Variants in RBMS3 observed in about 807,000 individuals in gnomAD.
RBMS3 encodes RNA-binding motif, single-stranded-interacting protein 3.
Under a neutral mutation model 66.8 loss-of-function variants are expected in RBMS3, and 27 were observed. That is an observed-to-expected ratio of 0.40 (90% CI 0.30 to 0.56). The LOEUF (loss-of-function observed/expected upper bound fraction) is 0.56, where lower values mean the gene tolerates loss of function less well. RBMS3 is among the 20% of genes least tolerant of loss of function. RBMS3 has a pLI of 0.40. For missense variants in RBMS3, 513 were observed against 549.5 expected, an observed-to-expected ratio of 0.93 and a Z score of 0.66; for synonymous variants, 188 against 183.0, an observed-to-expected ratio of 1.03 and a Z score of -0.22.
At chr3:29,548,433 AAAAC>A (rs952985862) in intron 3 of RBMS3, among the ~76,000 whole-genome samples, 20 of 133,322 alleles carry the variant, frequency 1.5e-4, no homozygotes, top group African/African-American at 3.9e-4. Context: ...CTGTCTCTTA[AAAAC>A]AAACAAACAA....
intron 6 of RBMS3, among the ~76,000 whole-genome samples, chr3:29,847,928 T>A (rs1285369347): frequency 1.3e-5 from 2 of 152,190 alleles, no homozygotes; most frequent in African/African-American, 4.8e-5. Flanking sequence ...AGTGCTGGGA[T>A]TACAGGCGTC....
intron 6 of RBMS3, among the ~76,000 whole-genome samples, chr3:29,862,241 A>C (rs2059233509): frequency 6.6e-6 from 1 of 152,196 alleles, no homozygotes; most frequent in African/African-American, 2.4e-5. Flanking sequence ...GTTGGTCTGG[A>C]AACGGGCCCA....
intron 4 of RBMS3, among the ~76,000 whole-genome samples, chr3:29,724,388 T>C (rs926084991): frequency 6.6e-6 from 1 of 152,176 alleles, no homozygotes; most frequent in African/African-American, 2.4e-5. Context: ...TTCCTGAAAC[T>C]CTGCTAAATT....
At chr3:29,368,553 C>T (rs1417093095) in intron 1 of RBMS3, among the ~76,000 whole-genome samples, 1 of 145,890 alleles carries the variant, frequency 6.9e-6, no homozygotes, top group African/African-American at 2.5e-5. Context: ...TGAGAGTTCA[C>T]AAGGAGCTGT....
intron 6 of RBMS3, among the ~76,000 whole-genome samples, chr3:29,788,407 A>G (rs2056896568): frequency 6.6e-6 from 1 of 151,970 alleles, no homozygotes; most frequent in African/African-American, 2.4e-5. Context: ...TTGTATTTTT[A>G]GTAGAGACGG....
chr3:29,285,102 T>C (rs1439374079), intron 1 of RBMS3, among the ~76,000 whole-genome samples: 1 of 151,468 alleles, frequency 6.6e-6, no homozygotes, highest in East Asian at 2.0e-4. Context: ...AAATACAAAA[T>C]GTTTGATTAG....
intron 6 of RBMS3, among the ~76,000 whole-genome samples, chr3:29,848,130 G>C (rs1317671462): frequency 6.6e-6 from 1 of 152,138 alleles, no homozygotes. Flanking sequence ...CTCAGTTTCT[G>C]TTGGACATTT....
chr3:29,417,672 G>A (rs2040533399), intron 1 of RBMS3, among the ~76,000 whole-genome samples: 1 of 152,082 alleles, frequency 6.6e-6, no homozygotes, highest in South Asian at 2.1e-4. Context: ...GAGATATGTG[G>A]TTCAAAACAA....
At chr3:29,351,366 A>G (rs80255216) in intron 1 of RBMS3, among the ~76,000 whole-genome samples, 2,509 of 152,200 alleles carry the variant, frequency 0.016, 31 homozygotes, top group Middle Eastern at 0.027. Flanking sequence ...TTATCCATGC[A>G]TTTACACTTC....
chr3:29,981,238 A>G (rs571105564), intron 12 of RBMS3, among the ~76,000 whole-genome samples: 2 of 151,884 alleles, frequency 1.3e-5, no homozygotes, highest in Admixed American at 1.3e-4. Flanking sequence ...TCTGTCTATT[A>G]TTGGTGTATA....
At chr3:29,336,008 C>A (rs897814006) in intron 1 of RBMS3, among the ~76,000 whole-genome samples, 1 of 152,094 alleles carries the variant, frequency 6.6e-6, no homozygotes, top group Non-Finnish European at 1.5e-5. Flanking sequence ...TTCAACTGAT[C>A]AGCCTTTCCG....
At chr3:29,659,932 G>T (rs2050469397) in intron 4 of RBMS3, among the ~76,000 whole-genome samples, 2 of 152,042 alleles carry the variant, frequency 1.3e-5, no homozygotes, top group Non-Finnish European at 2.9e-5. Flanking sequence ...CATCCTAATG[G>T]GTGTGGTGAA....
intron 2 of RBMS3, among the ~76,000 whole-genome samples, chr3:29,487,318 T>C (rs1351601435): frequency 2.6e-5 from 4 of 152,230 alleles, no homozygotes; most frequent in Non-Finnish European, 4.4e-5. Context: ...ATTTTGATAA[T>C]ATGAAACAAA....
intron 6 of RBMS3, among the ~76,000 whole-genome samples, chr3:29,810,659 A>G (rs1243284046): frequency 6.6e-6 from 1 of 152,226 alleles, no homozygotes; most frequent in Non-Finnish European, 1.5e-5. Flanking sequence ...TAACACATTC[A>G]TGGTGTAACA....
chr3:29,806,010 T>C (rs1021864911), intron 6 of RBMS3, among the ~76,000 whole-genome samples: 1 of 152,010 alleles, frequency 6.6e-6, no homozygotes, highest in East Asian at 1.9e-4. Context: ...TTGTAACATA[T>C]TTTTGCTGTA....
intron 4 of RBMS3, among the ~76,000 whole-genome samples, chr3:29,588,345 G>A (rs1318646278): frequency 6.6e-6 from 1 of 151,986 alleles, no homozygotes; most frequent in Admixed American, 6.6e-5. Flanking sequence ...TGCTCTGCTC[G>A]TGTATACATT....
intron 6 of RBMS3, among the ~76,000 whole-genome samples, chr3:29,847,800 C>A (rs921402081): frequency 3.9e-5 from 6 of 152,118 alleles, no homozygotes; most frequent in Non-Finnish European, 5.9e-5. Context: ...GGACTACAGG[C>A]GCTCGCCGTC....
At chr3:29,875,541 TCA>T (rs1437731544) in intron 7 of RBMS3, among the ~76,000 whole-genome samples, 1 of 151,788 alleles carries the variant, frequency 6.6e-6, no homozygotes, top group Non-Finnish European at 1.5e-5. Flanking sequence ...AATCCCAATT[TCA>T]CAGATATTAA....
At chr3:29,997,030 TAAAG>T (rs1007020698) in intron 14 of RBMS3, among the ~76,000 whole-genome samples, 16 of 149,688 alleles carry the variant, frequency 1.1e-4, no homozygotes, top group East Asian at 5.9e-4. Context: ...GCAAGACTAA[TAAAG>T]AAAAAAAGAG....
Sources: allele counts gnomAD v4.1 joint callset (sites outside exome capture counted in the v4.1 genomes callset), GRCh38; gene constraint gnomAD v4.1.1; transcripts MANE v1.5; gene names NCBI Gene and HGNC (gene_info 2026-07-23, HGNC 2026-07-21).